RNLS: variants seen among roughly 807,000 people sequenced by gnomAD.
RNLS encodes renalase, FAD dependent amine oxidase, also known as renalase.
RNLS carries 39 observed loss-of-function variants against 39.8 expected under a neutral mutation model. The ratio of observed to expected loss-of-function variants is 0.98; its 90% CI spans 0.76 to 1.28. RNLS has a LOEUF of 1.28. RNLS is among the 50% of genes most tolerant of loss of function. The pLI is 0.00. For missense variants in RNLS, 410 were observed against 413.3 expected, an observed-to-expected ratio of 0.99 and a Z score of 0.07; for synonymous variants, 147 against 150.7, an observed-to-expected ratio of 0.98 and a Z score of 0.18.
intron 4 of RNLS, among the ~76,000 whole-genome samples, chr10:88,559,377 G>A (rs1849045655): frequency 6.6e-6 from 1 of 152,052 alleles, no homozygotes; most frequent in Non-Finnish European, 1.5e-5. Context: ...GCCAGGTTTT[G>A]AAAGATAGAT....
chr10:88,220,322 G>A, the RNLS span, among the ~76,000 whole-genome samples: 2 of 152,134 alleles, frequency 1.3e-5, no homozygotes, highest in South Asian at 4.1e-4. Flanking sequence ...ATTTTGGGGT[G>A]GGCAGGGTCA....
intron 4 of RNLS, among the ~76,000 whole-genome samples, chr10:88,452,659 T>C (rs1262400218): frequency 6.6e-6 from 1 of 152,114 alleles, no homozygotes; most frequent in African/African-American, 2.4e-5. Flanking sequence ...TTCATCTAGA[T>C]AACACAATAA....
At chr10:88,534,060 A>G (rs1847601061) in intron 4 of RNLS, among the ~76,000 whole-genome samples, 1 of 152,068 alleles carries the variant, frequency 6.6e-6, no homozygotes, top group African/African-American at 2.4e-5. Context: ...GGAGAGTTTC[A>G]ATCCTGATTA....
chr10:88,472,451 G>A (rs772186626), intron 4 of RNLS, among the ~76,000 whole-genome samples: 2 of 152,108 alleles, frequency 1.3e-5, no homozygotes, highest in African/African-American at 2.4e-5. Flanking sequence ...AGGTGCTAAA[G>A]CAGCACGATA....
intron 4 of RNLS, among the ~76,000 whole-genome samples, chr10:88,388,251 T>C (rs1004634361): frequency 2.0e-5 from 3 of 152,202 alleles, no homozygotes; most frequent in Admixed American, 1.3e-4. Context: ...ACACCTTGAA[T>C]AAGGCTACTC....
intron 5 of RNLS, among the ~76,000 whole-genome samples, chr10:88,334,880 T>C (rs532404792): frequency 7.9e-5 from 12 of 152,300 alleles, no homozygotes; most frequent in African/African-American, 2.4e-4. Context: ...TTCAAGTTCA[T>C]TGAGTTGATA....
At chr10:88,291,400 C>G (rs893054341) in intron 6 of RNLS, among the ~76,000 whole-genome samples, 9 of 152,178 alleles carry the variant, frequency 5.9e-5, no homozygotes, top group African/African-American at 9.6e-5. Context: ...TGTACCAATT[C>G]CAGAACCAAG....
At chr10:88,451,357 G>A (rs570264896) in intron 4 of RNLS, among the ~76,000 whole-genome samples, 1 of 152,268 alleles carries the variant, frequency 6.6e-6, no homozygotes, top group East Asian at 1.9e-4. Context: ...TGGTTTGGCT[G>A]CCCCATCCCC....
At chr10:88,374,549 T>C (rs1324306452) in intron 4 of RNLS, among the ~76,000 whole-genome samples, 6 of 152,152 alleles carry the variant, frequency 3.9e-5, no homozygotes, top group African/African-American at 1.4e-4. Flanking sequence ...TGTTTACTCT[T>C]TGTTTGCAGG....
intron 4 of RNLS, among the ~76,000 whole-genome samples, chr10:88,457,895 T>C (rs1342086952): frequency 6.6e-6 from 1 of 152,182 alleles, no homozygotes; most frequent in African/African-American, 2.4e-5. Flanking sequence ...AGAGGAGACA[T>C]GCCACCTGTT....
At chr10:88,516,858 C>T (rs943008495) in intron 4 of RNLS, among the ~76,000 whole-genome samples, 2 of 151,968 alleles carry the variant, frequency 1.3e-5, no homozygotes, top group Non-Finnish European at 2.9e-5. Context: ...CTGACTTTGA[C>T]AAACTGTCCA....
At chr10:88,542,184 C>T (rs962324731) in intron 4 of RNLS, among the ~76,000 whole-genome samples, 1 of 152,074 alleles carries the variant, frequency 6.6e-6, no homozygotes, top group Non-Finnish European at 1.5e-5. Context: ...CTCTCTAAAT[C>T]GTTGAACCTC....
chr10:88,466,521 A>T (rs533800400), intron 4 of RNLS, among the ~76,000 whole-genome samples: 2 of 152,306 alleles, frequency 1.3e-5, no homozygotes, highest in South Asian at 4.1e-4. Flanking sequence ...GAAAGCACAC[A>T]AATTGTGAAT....
chr10:88,189,545 G>C, the RNLS span, among the ~76,000 whole-genome samples: 1 of 152,186 alleles, frequency 6.6e-6, no homozygotes, highest in Non-Finnish European at 1.5e-5. Flanking sequence ...AAGATAGGGA[G>C]GAAAGAAGGG....
At chr10:88,274,930 A>ATT in exon 7 of RNLS, 1 of 1,579,398 alleles carries the variant, frequency 6.3e-7, no homozygotes, top group Non-Finnish European at 8.7e-7. Flanking sequence ...AATCAAATAA[A>ATT]ACCTGACTGT....
the RNLS span, among the ~76,000 whole-genome samples, chr10:88,199,363 C>T: frequency 6.6e-6 from 1 of 152,288 alleles, no homozygotes; most frequent in East Asian, 1.9e-4. Context: ...GCACCATTGA[C>T]ATTTTGGCCC....
intron 6 of RNLS, chr10:88,309,429 G>A (rs1434732989): frequency 7.8e-7 from 1 of 1,289,734 alleles, no homozygotes; most frequent in East Asian, 5.5e-5. Flanking sequence ...CGTACGGGTG[G>A]TCTCAAGCTC....
At position 88,314,655 on chromosome 10, in the gene RNLS, G is replaced by A; in HGVS notation, c.701-14C>T. 3 of 1,606,398 alleles carry A rather than the reference G, an allele frequency of 1.9e-6. No homozygotes were observed. Among genetic ancestry groups the A allele is most frequent in the Non-Finnish European group, 2.6e-6 (3 of 1,175,444 alleles). On this transcript the variant is annotated splice_polypyrimidine_tract_variant and intron_variant, in intron 5 of 6. Transcript: ENST00000331772. ...TTTCTGATGACTCTGTGGCATAAGA[G>A]GATCATAAAGATGCATCTTAAAGTG...
At chr10:88,475,150 T>C (rs1843737683) in intron 4 of RNLS, among the ~76,000 whole-genome samples, 3 of 152,174 alleles carry the variant, frequency 2.0e-5, no homozygotes, top group Admixed American at 2.0e-4. Flanking sequence ...GCCCTGGCAT[T>C]CACTGTGGCT....
Sources: allele counts gnomAD v4.1 joint callset (sites outside exome capture counted in the v4.1 genomes callset), GRCh38; gene constraint gnomAD v4.1.1; transcripts MANE v1.5; gene names NCBI Gene and HGNC (gene_info 2026-07-23, HGNC 2026-07-21).